EPHA3: variants seen among roughly 807,000 people sequenced by gnomAD.
The protein encoded by EPHA3 is ephrin type-A receptor 3.
EPHA3 carries 42 observed loss-of-function variants against 107.1 expected under a neutral mutation model. That is an observed-to-expected ratio of 0.39 (90% CI 0.31 to 0.51). The LOEUF (loss-of-function observed/expected upper bound fraction) is 0.51, where lower values mean the gene tolerates loss of function less well. Among genes scored for constraint, EPHA3 ranks in the 20% least tolerant of loss-of-function variants. The pLI, the probability that EPHA3 is intolerant of heterozygous loss-of-function variation, is 0.78. For synonymous variants in EPHA3, 461 were observed against 424.8 expected (o/e 1.09, Z -1.05); for missense variants, 1,183 against 1,211.2 (o/e 0.98, Z 0.35).
At chr3:89,170,661 A>G (rs1456071795) in intron 2 of EPHA3, among the ~76,000 whole-genome samples, 2 of 152,198 alleles carry the variant, frequency 1.3e-5, no homozygotes, top group Non-Finnish European at 2.9e-5. Flanking sequence ...TCCCAAGCTC[A>G]AATATAAATA....
chr3:89,457,503 C>T (rs1710122721), intron 15 of EPHA3, among the ~76,000 whole-genome samples: 1 of 152,160 alleles, frequency 6.6e-6, no homozygotes. Flanking sequence ...AATCTAATGC[C>T]TGATGATCTG....
intron 3 of EPHA3, among the ~76,000 whole-genome samples, chr3:89,210,833 A>T (rs755707198): frequency 2.0e-5 from 3 of 152,158 alleles, no homozygotes; most frequent in Non-Finnish European, 2.9e-5. Flanking sequence ...GAAGAAAAAC[A>T]TTCTATCTCT....
chr3:89,455,838 A>T (rs1163171578), intron 15 of EPHA3, among the ~76,000 whole-genome samples: 3 of 152,192 alleles, frequency 2.0e-5, no homozygotes, highest in Non-Finnish European at 4.4e-5. Flanking sequence ...AAAGTTTAAC[A>T]TCATTATTCT....
intron 3 of EPHA3, among the ~76,000 whole-genome samples, chr3:89,255,006 T>C (rs1279557621): frequency 6.6e-6 from 1 of 152,170 alleles, no homozygotes; most frequent in African/African-American, 2.4e-5. Flanking sequence ...CTTTCTGAGA[T>C]TCAAACAATT....
intron 10 of EPHA3, among the ~76,000 whole-genome samples, chr3:89,416,044 G>A (rs1251651543): frequency 2.0e-5 from 3 of 151,348 alleles, no homozygotes; most frequent in Non-Finnish European, 3.0e-5. Flanking sequence ...TTCAATATGT[G>A]TTTTTATTAT....
intron 3 of EPHA3, among the ~76,000 whole-genome samples, chr3:89,326,925 T>C (rs1274680288): frequency 6.6e-6 from 1 of 152,134 alleles, no homozygotes; most frequent in Non-Finnish European, 1.5e-5. Flanking sequence ...AAGATATATG[T>C]GTTTGGTTGG....
intron 2 of EPHA3, among the ~76,000 whole-genome samples, chr3:89,196,534 A>G (rs905130001): frequency 6.7e-6 from 1 of 148,152 alleles, no homozygotes; most frequent in African/African-American, 2.7e-5. Context: ...TCAATGAAAG[A>G]TCAACTTCAT....
At chr3:89,127,158 A>G in intron 1 of EPHA3, 51 bp from the exon 2 acceptor site, 1 of 1,414,652 alleles carries the variant, frequency 7.1e-7, no homozygotes, top group East Asian at 2.3e-5. Context: ...AGAAGCAAAT[A>G]GAAATAATTC....
At chr3:89,407,946 C>CTTT in intron 8 of EPHA3, 121 bp from the exon 9 acceptor site, 1 of 978,208 alleles carries the variant, frequency 1.0e-6, no homozygotes, top group Non-Finnish European at 1.5e-6. Context: ...ATTAAACTTT[C>CTTT]ACTAAAGCAT....
intron 13 of EPHA3, among the ~76,000 whole-genome samples, chr3:89,440,593 G>A (rs1185654602): frequency 6.6e-6 from 1 of 152,204 alleles, no homozygotes; most frequent in South Asian, 2.1e-4. Context: ...TTAGCCACAT[G>A]TCTCATTGAA....
intron 3 of EPHA3, among the ~76,000 whole-genome samples, chr3:89,291,600 TAA>T (rs1410100482): frequency 1.3e-5 from 2 of 152,088 alleles, no homozygotes; most frequent in African/African-American, 2.4e-5. Context: ...GTAAAATCAA[TAA>T]GAGAGGGCAG....
chr3:89,109,102 C>A (rs1169641180), intron 1 of EPHA3, among the ~76,000 whole-genome samples: 3 of 152,034 alleles, frequency 2.0e-5, no homozygotes, highest in Admixed American at 2.0e-4. Flanking sequence ...GCTAATAGAG[C>A]AGTAATTTAT....
intron 13 of EPHA3, among the ~76,000 whole-genome samples, chr3:89,436,846 A>G (rs966990723): frequency 2.4e-4 from 37 of 152,204 alleles, no homozygotes; most frequent in African/African-American, 8.2e-4. Context: ...CAGCTAAGAT[A>G]GTACTATACA....
At chr3:89,444,605 A>G (rs1709846279) in intron 13 of EPHA3, among the ~76,000 whole-genome samples, 1 of 152,092 alleles carries the variant, frequency 6.6e-6, no homozygotes, top group Admixed American at 6.6e-5. Flanking sequence ...TATTGACAGT[A>G]AATGTAACAA....
intron 2 of EPHA3, among the ~76,000 whole-genome samples, chr3:89,179,834 G>C (rs1705402458): frequency 6.6e-6 from 1 of 151,732 alleles, no homozygotes; most frequent in African/African-American, 2.4e-5. Flanking sequence ...TGTGCTTAGT[G>C]CTGCGGTTTG....
In EPHA3 at chr3:89,481,053, C is replaced by T. The variant is rs963752700; in HGVS notation, c.*1551C>T. ...TAGCTAGTAATATATTCTGAAGCAA[C>T]ATTTTAGCTCTATTGATACTCTTTC... On this transcript the variant is annotated 3_prime_UTR_variant, in exon 17 of 17. Coordinates refer to ENST00000336596, the MANE Select transcript of EPHA3 (RefSeq NM_005233.6). The T allele has an allele frequency of 4.7e-5, 11 of 231,644 alleles. No individual in the cohort carries two copies. The highest frequency in any genetic ancestry group is 1.3e-4 in the African/African-American group (6 of 45,252). The allele number at this position is 231,644 out of a possible 1,614,324, so 14.3% of individuals were successfully genotyped here. A position where few individuals can be genotyped will look rare whatever the true frequency, so the allele number is the denominator to read the frequency against.
At chr3:89,304,595 TA>T (rs1706567514) in intron 3 of EPHA3, among the ~76,000 whole-genome samples, 1 of 152,110 alleles carries the variant, frequency 6.6e-6, no homozygotes, top group Non-Finnish European at 1.5e-5. Flanking sequence ...TCAGCTCCCT[TA>T]AATGTTTGAT....
chr3:89,186,862 C>T (rs371403762), intron 2 of EPHA3, among the ~76,000 whole-genome samples: 1 of 151,980 alleles, frequency 6.6e-6, no homozygotes, highest in African/African-American at 2.4e-5. Flanking sequence ...CGTTATGCAC[C>T]TGTTGATTGA....
At chr3:89,144,288 G>A (rs758739953) in intron 2 of EPHA3, among the ~76,000 whole-genome samples, 4 of 151,628 alleles carry the variant, frequency 2.6e-5, no homozygotes, top group South Asian at 2.1e-4. Flanking sequence ...GCTGACTGTC[G>A]TTTTCCCTGT....
Sources: allele counts gnomAD v4.1 joint callset (sites outside exome capture counted in the v4.1 genomes callset), GRCh38; gene constraint gnomAD v4.1.1; transcripts MANE v1.5; gene names NCBI Gene and HGNC (gene_info 2026-07-23, HGNC 2026-07-21).